RAD51B: variants seen among roughly 807,000 people sequenced by gnomAD.
RAD51B encodes the protein RAD51 paralog B.
Under a neutral mutation model 42.2 loss-of-function variants are expected in RAD51B, and 38 were observed. That is an observed-to-expected ratio of 0.90 (90% CI 0.70 to 1.18). RAD51B has a LOEUF of 1.18. RAD51B is among the 50% of genes most tolerant of loss of function. The probability of loss-of-function intolerance (pLI) is 0.00; values close to 1 mark genes in which losing one functional copy is unlikely to be tolerated. For missense variants in RAD51B, 373 were observed against 400.7 expected, an observed-to-expected ratio of 0.93 and a Z score of 0.59; for synonymous variants, 154 against 145.2, an observed-to-expected ratio of 1.06 and a Z score of -0.43.
At chr14:68,455,829 C>T (rs1367174675) in intron 9 of RAD51B, among the ~76,000 whole-genome samples, 1 of 151,962 alleles carries the variant, frequency 6.6e-6, no homozygotes, top group Non-Finnish European at 1.5e-5. Flanking sequence ...CTTTTCCTCT[C>T]CCATCTGATT....
intron 7 of RAD51B, among the ~76,000 whole-genome samples, chr14:67,947,380 G>A (rs1347328866): frequency 6.6e-6 from 1 of 152,100 alleles, no homozygotes; most frequent in African/African-American, 2.4e-5. Context: ...CTTTTGATGT[G>A]AGAAAAATAT....
At chr14:67,871,096 C>A (rs2140008249) in intron 5 of RAD51B, among the ~76,000 whole-genome samples, 1 of 152,098 alleles carries the variant, frequency 6.6e-6, no homozygotes, top group East Asian at 1.9e-4. Context: ...CAGAGCAGAA[C>A]TGAAGGAAAT....
rs199885855 is a variant in RAD51B, at chr14:68,100,986, TAC to T, written c.757-190896_757-190895del. 1.5e-4 allele frequency among the ~76,000 whole-genome samples: 23 copies of T among 152,276 alleles called. No individual in the cohort carries two copies. The East Asian group carries it at 4.4e-3, about 29-fold the overall frequency. On this transcript the variant is annotated intron_variant, in intron 7 of 10. Coordinates refer to ENST00000471583, the MANE Select transcript of RAD51B (RefSeq NM_133510.4). The stretch of plus-strand genomic sequence containing the variant: ...AGGGCTGTGGAGGCCTCAGGAAACT[TAC>T]AGTCATGGCAGAAGGGGAAGCAAAT...
intron 7 of RAD51B, among the ~76,000 whole-genome samples, chr14:67,989,302 A>G (rs2075248503): frequency 6.6e-6 from 1 of 152,240 alleles, no homozygotes; most frequent in African/African-American, 2.4e-5. Flanking sequence ...AGATATTTTT[A>G]AAATATTGTG....
intron 10 of RAD51B, among the ~76,000 whole-genome samples, chr14:68,607,864 C>T (rs1891513973): frequency 6.6e-6 from 1 of 152,144 alleles, no homozygotes; most frequent in African/African-American, 2.4e-5. Flanking sequence ...GGAGGACAGG[C>T]CCGGCCCTAC....
chr14:68,384,912 C>T (rs1192329247), intron 8 of RAD51B, among the ~76,000 whole-genome samples: 14 of 152,314 alleles, frequency 9.2e-5, no homozygotes, highest in African/African-American at 3.4e-4. Flanking sequence ...GGTGTTATAG[C>T]TCCTTTTATG....
chr14:68,006,188 C>G (rs1414944421), intron 7 of RAD51B, among the ~76,000 whole-genome samples: 1 of 152,170 alleles, frequency 6.6e-6, no homozygotes, highest in Non-Finnish European at 1.5e-5. Flanking sequence ...AGTGCCTACT[C>G]AAGTTTTTGT....
chr14:68,472,158 G>A (rs569686923), intron 10 of RAD51B: 1 of 152,814 alleles, frequency 6.5e-6, no homozygotes, highest in Admixed American at 6.5e-5. Flanking sequence ...AGCTTTAATG[G>A]TGTGTGCCCA....
chr14:68,535,099 G>C (rs761035355), intron 10 of RAD51B, among the ~76,000 whole-genome samples: 99 of 152,136 alleles, frequency 6.5e-4, no homozygotes, highest in Non-Finnish European at 1.1e-3. Context: ...TGGAGCCTCT[G>C]TATTCTTAAA....
chr14:68,160,071 A>T (rs977528885), intron 7 of RAD51B, among the ~76,000 whole-genome samples: 4 of 124,176 alleles, frequency 3.2e-5, no homozygotes, highest in African/African-American at 1.2e-4. Context: ...ATCACCCTCA[A>T]CCTGGGTTAT....
At position 68,570,887 on chromosome 14, in the gene RAD51B, ACACACACACATG is replaced by A. The variant is rs1259705032; in HGVS notation, c.1037-23587_1037-23576del. Among the ~76,000 whole-genome samples, 106 of 151,326 alleles carry A rather than the reference ACACACACACATG, an allele frequency of 7.0e-4. 1 individual carries two copies. The highest frequency in any genetic ancestry group is 3.4e-3 in the Middle Eastern group (1 of 294). ...AGGCTGGAGCGCCACACACACACACACACACACACATGCACACACACACACATGCACACACAC... is the reference window on the plus strand; with the variant it reads ...AGGCTGGAGCGCCACACACACACACACACACACACACACATGCACACACAC... On this transcript the variant is annotated intron_variant, in intron 10 of 10. Transcript: ENST00000487270.
chr14:67,939,979 A>T lies in RAD51B; in HGVS notation c.756+52775A>T, dbSNP rs75837306. On this transcript the variant is annotated intron_variant, in intron 7 of 10. Transcript: ENST00000471583. ...CATAACATACATTATATATATATAAAAAAATAAAAAGTATATATATAAAAC... is the reference window on the plus strand; with the variant it reads ...CATAACATACATTATATATATATAATAAAATAAAAAGTATATATATAAAAC... 7.8e-3 allele frequency among the ~76,000 whole-genome samples: 1,086 copies of T among 140,112 alleles called. 17 individuals are homozygous for T. The highest frequency in any genetic ancestry group is 0.027 in the African/African-American group (1,017 of 37,950). 91.9% of individuals were successfully genotyped at this position (140,112 alleles called of 152,430 possible). A position where few individuals can be genotyped will look rare whatever the true frequency, so the allele number is the denominator to read the frequency against.
At chr14:67,903,653 C>G (rs576535229) in intron 7 of RAD51B, among the ~76,000 whole-genome samples, 8 of 152,264 alleles carry the variant, frequency 5.3e-5, no homozygotes, top group Non-Finnish European at 1.0e-4. Flanking sequence ...CAGTTCATGA[C>G]AGTCATGTTT....
intron 7 of RAD51B, among the ~76,000 whole-genome samples, chr14:68,262,684 T>C (rs1195918815): frequency 6.6e-6 from 1 of 152,100 alleles, no homozygotes; most frequent in Non-Finnish European, 1.5e-5. Context: ...AGCCTGGCAT[T>C]TGTGAAAATT....
chr14:68,078,556 T>A (rs2076868076), intron 7 of RAD51B, among the ~76,000 whole-genome samples: 1 of 152,154 alleles, frequency 6.6e-6, no homozygotes, highest in South Asian at 2.1e-4. Context: ...CATGTTAATA[T>A]CCTGTAAAGA....
At chr14:68,648,093 GTATATATATATACACACACGTA>G (rs1233994266) in intron 10 of RAD51B, among the ~76,000 whole-genome samples, 10 of 15,696 alleles carry the variant, frequency 6.4e-4, no homozygotes, top group Admixed American at 4.9e-3. Context: ...ATACGTGTGT[GTATATATATATACACACACGTA>G]TATATATATA....
chr14:68,410,294 G>T (rs545098319), intron 8 of RAD51B, among the ~76,000 whole-genome samples: 195 of 152,176 alleles, frequency 1.3e-3, no homozygotes, highest in Middle Eastern at 3.4e-3. Flanking sequence ...ACCCTGAAAG[G>T]TGTCTGCCCT....
intron 8 of RAD51B, among the ~76,000 whole-genome samples, chr14:68,390,267 G>T (rs750264488): frequency 6.6e-6 from 1 of 152,122 alleles, no homozygotes; most frequent in Non-Finnish European, 1.5e-5. Context: ...AAAAATCTAC[G>T]CCTCGAAGTT....
chr14:68,623,435 T>C (rs537450851), intron 10 of RAD51B, among the ~76,000 whole-genome samples: 2 of 152,164 alleles, frequency 1.3e-5, no homozygotes, highest in Non-Finnish European at 2.9e-5. Context: ...ACATTGAGTA[T>C]AGGCAAGGCC....
Sources: gnomAD v4.1 joint callset for allele counts (sites outside exome capture counted in the v4.1 genomes callset) on GRCh38, gnomAD v4.1.1 for gene constraint, MANE v1.5 for transcripts, NCBI Gene and HGNC (gene_info 2026-07-23, HGNC 2026-07-21) for gene names.